DLAT: variants seen among roughly 807,000 people sequenced by gnomAD.
The protein encoded by DLAT is dihydrolipoyllysine-residue acetyltransferase component of pyruvate dehydrogenase complex, mitochondrial.
In DLAT, 43 loss-of-function variants were observed where a neutral mutation model predicts 68.0. The ratio of observed to expected loss-of-function variants is 0.63; its 90% CI spans 0.50 to 0.81. The LOEUF (loss-of-function observed/expected upper bound fraction) is 0.81, where lower values mean the gene tolerates loss of function less well. Ranked by LOEUF, DLAT falls within the 40% of genes least tolerant of loss-of-function variation. The pLI is 0.00. For synonymous variants in DLAT, 265 were observed against 288.6 expected (o/e 0.92, Z 0.83); for missense variants, 745 against 815.4 (o/e 0.91, Z 1.05).
chr11:112,027,107 G>T (rs1424894358), intron 2 of DLAT, among the ~76,000 whole-genome samples: 2 of 151,804 alleles, frequency 1.3e-5, no homozygotes, highest in Non-Finnish European at 2.9e-5. Flanking sequence ...CCCAGACGGG[G>T]TGGCTGCCGG....
rs1566610250 is a variant in DLAT, at chr11:112,028,779, T to C, written c.507-13T>C. 1 of 1,614,226 alleles carries C rather than the reference T, an allele frequency of 6.2e-7. No homozygotes were observed. Among genetic ancestry groups the C allele is most frequent in the Non-Finnish European group, 8.5e-7 (1 of 1,180,044 alleles). On this transcript the variant is annotated splice_polypyrimidine_tract_variant and intron_variant, in intron 3 of 13. Transcript: ENST00000280346. ...TCTGCCCATTATATTTATGCATTCT[T>C]TCTCTTCCTTAGGCCTGAGGATATT...
At chr11:112,031,542 G>A (rs1468077421) in intron 4 of DLAT, among the ~76,000 whole-genome samples, 3 of 151,290 alleles carry the variant, frequency 2.0e-5, no homozygotes, top group East Asian at 2.0e-4. Context: ...TCAGCCTCCC[G>A]ACTAGCTGGG....
At chr11:112,036,982 C>G (rs1862810187) in intron 5 of DLAT, 2 of 381,126 alleles carry the variant, frequency 5.2e-6, no homozygotes, top group African/African-American at 2.1e-5. Context: ...TTTTATTGAA[C>G]AGATTTTTAT....
intron 4 of DLAT, among the ~76,000 whole-genome samples, chr11:112,029,489 A>G (rs1862278962): frequency 6.6e-6 from 1 of 152,086 alleles, no homozygotes; most frequent in Non-Finnish European, 1.5e-5. Context: ...AGGGAACAAG[A>G]GACAGAGGGG....
intron 2 of DLAT, among the ~76,000 whole-genome samples, chr11:112,026,645 G>T (rs1555179295): frequency 6.6e-6 from 1 of 152,200 alleles, no homozygotes; most frequent in East Asian, 1.9e-4. Flanking sequence ...TTGGGGGTAA[G>T]GTCACAGATC....
At chr11:112,035,264 G>A (rs1862640544) in intron 5 of DLAT, among the ~76,000 whole-genome samples, 1 of 152,164 alleles carries the variant, frequency 6.6e-6, no homozygotes, top group African/African-American at 2.4e-5. Flanking sequence ...CTTACTTCCA[G>A]CAGAGCAGTT....
chr11:112,026,985 C>T (rs1340321769), intron 2 of DLAT, among the ~76,000 whole-genome samples: 1 of 150,258 alleles, frequency 6.7e-6, no homozygotes. Flanking sequence ...GCTGGCTGGG[C>T]GGGGGGCTGG....
At chr11:112,027,248 T>C (rs1224138153) in intron 2 of DLAT, among the ~76,000 whole-genome samples, 1 of 147,502 alleles carries the variant, frequency 6.8e-6, no homozygotes, top group Non-Finnish European at 1.5e-5. Context: ...GAGACGCTCC[T>C]CACCTCCCGG....
At chr11:112,054,668 TA>T (rs782386668) in intron 11 of DLAT, among the ~76,000 whole-genome samples, 22 of 152,240 alleles carry the variant, frequency 1.4e-4, no homozygotes, top group Non-Finnish European at 3.1e-4. Flanking sequence ...ATATTCTTTA[TA>T]AACTGTATAG....
chr11:112,035,457 T>C (rs1020585069), intron 5 of DLAT, among the ~76,000 whole-genome samples: 3 of 152,124 alleles, frequency 2.0e-5, no homozygotes, highest in Non-Finnish European at 2.9e-5. Context: ...TTGAAGTCTA[T>C]TGTGGCCCAG....
chr11:112,055,684 A>G (rs1555182418), intron 11 of DLAT, among the ~76,000 whole-genome samples: 1 of 151,742 alleles, frequency 6.6e-6, no homozygotes, highest in Admixed American at 6.6e-5. Context: ...TTTTAGATGC[A>G]TTCCTTTTCC....
At chr11:112,043,892 C>T (rs1430443239) in intron 8 of DLAT, among the ~76,000 whole-genome samples, 5 of 152,032 alleles carry the variant, frequency 3.3e-5, no homozygotes, top group African/African-American at 1.2e-4. Flanking sequence ...ATAATAAGGA[C>T]AAAAAGTCTG....
intron 10 of DLAT, among the ~76,000 whole-genome samples, chr11:112,046,610 C>T (rs1023576585): frequency 1.3e-5 from 2 of 151,890 alleles, no homozygotes; most frequent in Admixed American, 1.3e-4. Context: ...TGCTATCCCT[C>T]CCCTTAGCCC....
chr11:112,052,600 C>T (rs1555182114), intron 11 of DLAT, among the ~76,000 whole-genome samples: 1 of 152,102 alleles, frequency 6.6e-6, no homozygotes, highest in African/African-American at 2.4e-5. Context: ...CTTCCATGTC[C>T]TTTCTGGGCA....
intron 10 of DLAT, among the ~76,000 whole-genome samples, chr11:112,049,646 T>C (rs587620551): frequency 5.3e-5 from 8 of 152,222 alleles, no homozygotes; most frequent in Middle Eastern, 3.4e-3. Context: ...GTTAGATTTA[T>C]AATGGACTCT....
intron 10 of DLAT, among the ~76,000 whole-genome samples, chr11:112,049,794 T>C (rs1006232433): frequency 1.3e-5 from 2 of 152,248 alleles, no homozygotes; most frequent in South Asian, 2.1e-4. Context: ...TTTTTTAGTG[T>C]ATTTCTTAGG....
intron 10 of DLAT, among the ~76,000 whole-genome samples, chr11:112,049,141 G>A (rs782651885): frequency 4.0e-5 from 6 of 150,518 alleles, no homozygotes; most frequent in Non-Finnish European, 7.4e-5. Flanking sequence ...CACCATGCCC[G>A]GCTAATTTTT....
At chr11:112,039,044 A>T (rs1313700562) in intron 6 of DLAT, among the ~76,000 whole-genome samples, 200 bp from the exon 7 acceptor site, 10 of 152,130 alleles carry the variant, frequency 6.6e-5, no homozygotes, top group African/African-American at 2.4e-4. Context: ...TTTGATATAG[A>T]AGTATATTGT....
At chr11:112,058,634 G>A (rs1337326936) in intron 11 of DLAT, among the ~76,000 whole-genome samples, 11 of 130,888 alleles carry the variant, frequency 8.4e-5, no homozygotes, top group Admixed American at 6.0e-4. Context: ...GTGGGGGGGG[G>A]GAATCACCTT....
Sources: allele counts gnomAD v4.1 joint callset (sites outside exome capture counted in the v4.1 genomes callset), GRCh38; gene constraint gnomAD v4.1.1; transcripts MANE v1.5; gene names NCBI Gene and HGNC (gene_info 2026-07-23, HGNC 2026-07-21).